OSBPL10: variants seen among roughly 807,000 people sequenced by gnomAD.
The protein encoded by OSBPL10 is oxysterol binding protein like 10.
OSBPL10 carries 49 observed loss-of-function variants against 81.7 expected under a neutral mutation model. The ratio of observed to expected loss-of-function variants is 0.60; its 90% CI spans 0.48 to 0.76. OSBPL10 has a LOEUF of 0.76. Among genes scored for constraint, OSBPL10 ranks in the 30% least tolerant of loss-of-function variants. OSBPL10 has a pLI of 0.00. For synonymous variants in OSBPL10, 419 were observed against 383.6 expected (o/e 1.09, Z -1.08); for missense variants, 923 against 987.8 (o/e 0.93, Z 0.88).
At chr3:31,697,868 T>C (rs1575482999) in intron 7 of OSBPL10, among the ~76,000 whole-genome samples, 1 of 152,110 alleles carries the variant, frequency 6.6e-6, no homozygotes, top group African/African-American at 2.4e-5. Flanking sequence ...GTTCAAGCGA[T>C]TCTCCTGCCT....
In OSBPL10 at chr3:31,828,128, T is replaced by C. The variant is rs567431422; in HGVS notation, c.729+1912A>G. 2.6e-5 allele frequency among the ~76,000 whole-genome samples: 4 copies of C among 152,382 alleles called. No homozygotes were observed. In the East Asian group the frequency reaches 7.7e-4, roughly 29 times the overall value. On this transcript the variant is annotated intron_variant, in intron 4 of 11. Transcript: ENST00000396556. Reference sequence around the variant, plus strand: ...TTTCAACTGCCTTTGTTCAAGGTTATGGTCTCAAATTACTTATAAACTAAT... The same window carrying C: ...TTTCAACTGCCTTTGTTCAAGGTTACGGTCTCAAATTACTTATAAACTAAT...
intron 1 of OSBPL10, among the ~76,000 whole-genome samples, chr3:31,911,166 CT>C (rs1696565635): frequency 6.6e-6 from 1 of 152,274 alleles, no homozygotes; most frequent in Non-Finnish European, 1.5e-5. Context: ...AGTTGCCAAA[CT>C]TTTTCTGGAA....
chr3:31,997,221 T>A (rs1699098243), intron 2 of OSBPL10, among the ~76,000 whole-genome samples: 1 of 152,140 alleles, frequency 6.6e-6, no homozygotes, highest in Non-Finnish European at 1.5e-5. Flanking sequence ...ATAGGCAGTG[T>A]TTAAGTCCTA....
intron 1 of OSBPL10, among the ~76,000 whole-genome samples, chr3:32,053,078 C>T (rs1370080903): frequency 6.6e-6 from 1 of 152,176 alleles, no homozygotes; most frequent in South Asian, 2.1e-4. Context: ...AAGAGTCAGA[C>T]CTTATCTGCA....
chr3:31,930,296 A>T (rs1322279554), intron 1 of OSBPL10, among the ~76,000 whole-genome samples: 1 of 152,190 alleles, frequency 6.6e-6, no homozygotes, highest in Non-Finnish European at 1.5e-5. Flanking sequence ...CTGACCTGAG[A>T]AATCATTTTT....
chr3:31,990,288 T>C (rs1282857501), intron 2 of OSBPL10: 2 of 1,614,006 alleles, frequency 1.2e-6, no homozygotes, highest in African/African-American at 1.3e-5. Context: ...GTAATGATTG[T>C]CACAAAGTCT....
intron 1 of OSBPL10, among the ~76,000 whole-genome samples, chr3:31,903,661 G>A (rs537615402): frequency 3.9e-5 from 6 of 152,250 alleles, no homozygotes; most frequent in African/African-American, 1.4e-4. Context: ...AGGAAACCGA[G>A]ACACAGAGAT....
intron 4 of OSBPL10, among the ~76,000 whole-genome samples, chr3:31,773,034 T>C (rs923512830): frequency 6.6e-6 from 1 of 151,414 alleles, no homozygotes; most frequent in African/African-American, 2.4e-5. Flanking sequence ...AGTCCCATAA[T>C]GCTGTCCACT....
chr3:31,812,222 G>A (rs973330183), intron 4 of OSBPL10, among the ~76,000 whole-genome samples: 2 of 152,048 alleles, frequency 1.3e-5, no homozygotes, highest in East Asian at 3.9e-4. Flanking sequence ...AGTAGTGACG[G>A]GATTTTGCAT....
At chr3:31,861,342 TC>T (rs1383120580) in intron 3 of OSBPL10, among the ~76,000 whole-genome samples, 1 of 152,194 alleles carries the variant, frequency 6.6e-6, no homozygotes, top group African/African-American at 2.4e-5. Context: ...GCATATATAT[TC>T]CCCTGTAAAT....
At chr3:31,813,090 G>T (rs1214300976) in intron 4 of OSBPL10, among the ~76,000 whole-genome samples, 1 of 152,120 alleles carries the variant, frequency 6.6e-6, no homozygotes, top group Middle Eastern at 3.2e-3. Flanking sequence ...ATACAGGAAT[G>T]GTTCTTTGCA....
At chr3:31,707,256 G>A (rs1248086240) in intron 6 of OSBPL10, 2 of 152,072 alleles carry the variant, frequency 1.3e-5, no homozygotes, top group African/African-American at 2.4e-5. Flanking sequence ...ACTCTAGCAC[G>A]GATTAAGACG....
chr3:31,759,925 A>G (rs1697984039), intron 4 of OSBPL10, among the ~76,000 whole-genome samples: 1 of 151,986 alleles, frequency 6.6e-6, no homozygotes, highest in Non-Finnish European at 1.5e-5. Flanking sequence ...ACACCTGGCT[A>G]ATTTTTTTGT....
chr3:31,674,571 CAGATAGATAGATTAGAT>C (rs1445813417), intron 8 of OSBPL10, among the ~76,000 whole-genome samples: 1 of 147,054 alleles, frequency 6.8e-6, no homozygotes, highest in Admixed American at 7.0e-5. Flanking sequence ...AATAGATAGA[CAGATAGATAGATTAGAT>C]AGATAGATAG....
At chr3:31,721,847 T>C (rs932473408) in intron 6 of OSBPL10, among the ~76,000 whole-genome samples, 1 of 152,250 alleles carries the variant, frequency 6.6e-6, no homozygotes, top group Non-Finnish European at 1.5e-5. Flanking sequence ...ATTAGCGATA[T>C]ATGATCTCAC....
chr3:31,817,273 TC>T (rs1344786705), intron 4 of OSBPL10, among the ~76,000 whole-genome samples: 1 of 152,152 alleles, frequency 6.6e-6, no homozygotes, highest in Admixed American at 6.5e-5. Flanking sequence ...GGACTCTCTC[TC>T]CTGCTGCCAT....
chr3:32,020,431 T>A (rs1164438505), intron 2 of OSBPL10, among the ~76,000 whole-genome samples: 1 of 152,234 alleles, frequency 6.6e-6, no homozygotes, highest in Admixed American at 6.5e-5. Flanking sequence ...TTTAGCATAA[T>A]GTTTTCAAGG....
chr3:31,936,097 A>G (rs1697374763), intron 1 of OSBPL10, among the ~76,000 whole-genome samples: 1 of 152,262 alleles, frequency 6.6e-6, no homozygotes, highest in African/African-American at 2.4e-5. Context: ...CTGTTCTAAC[A>G]TTCCCCACTG....
upstream of OSBPL10, among the ~76,000 whole-genome samples, chr3:31,982,721 A>G (rs930379096): frequency 6.6e-6 from 1 of 152,148 alleles, no homozygotes; most frequent in African/African-American, 2.4e-5. Flanking sequence ...ATTCTAACCT[A>G]TGACCTTGAT....
Sources: gnomAD v4.1 joint callset for allele counts (sites outside exome capture counted in the v4.1 genomes callset) on GRCh38, gnomAD v4.1.1 for gene constraint, MANE v1.5 for transcripts, NCBI Gene and HGNC (gene_info 2026-07-23, HGNC 2026-07-21) for gene names.